The following SEC23IP variants were observed in gnomAD, a reference collection of about 807,000 sequenced individuals.
SEC23IP encodes SEC23-interacting protein.
A neutral mutation model predicts 113.4 loss-of-function variants in SEC23IP; 70 were observed. The observed-to-expected ratio is 0.62, with a 90% CI of 0.51 to 0.75. SEC23IP has a LOEUF of 0.75. Ranked by LOEUF, SEC23IP falls within the 30% of genes least tolerant of loss-of-function variation. The pLI, the probability that SEC23IP is intolerant of heterozygous loss-of-function variation, is 0.00. For synonymous variants in SEC23IP, 398 were observed against 421.0 expected (o/e 0.95, Z 0.67); for missense variants, 1,160 against 1,204.9 (o/e 0.96, Z 0.55).
rs750460289 is a variant in SEC23IP at position 119,904,154 on chromosome 10, A to G, written c.978A>G (p.Arg326=). The change falls in exon 4 of 19, where the codon CGA becomes CGG. Residue 326 remains arginine (R), a synonymous_variant. Coordinates refer to ENST00000369075, the MANE Select transcript of SEC23IP (RefSeq NM_007190.4). ...GGRYDVYLYD[R]IRKAAYWEEE... Reference sequence around the variant, plus strand: ...GCTACGATGTTTACCTCTATGACCGAATAAGGAAGGCTGCCTACTGGGAAG... The same window carrying G: ...GCTACGATGTTTACCTCTATGACCGGATAAGGAAGGCTGCCTACTGGGAAG... 6.2e-6 allele frequency: 10 copies of G among 1,614,206 alleles called. No individual in the cohort carries two copies. In the Admixed American group the frequency reaches 8.3e-5, roughly 13 times the overall value.
At chr10:119,918,685 C>T (rs1458497332) in intron 10 of SEC23IP, among the ~76,000 whole-genome samples, 174 bp downstream of exon 10, 1 of 152,156 alleles carries the variant, frequency 6.6e-6, no homozygotes, top group Non-Finnish European at 1.5e-5. Context: ...TGGCCTCAAG[C>T]GATCCTCCTG....
In SEC23IP at chr10:119,935,870, G is replaced by A. The variant is rs368963606; in HGVS notation, c.*20+2083G>A. ...GTCATTTGAGCAAGCGAGCCAGGTG[G>A]ATATCTGGAGGAAGAAGACCACTTC... On this transcript the variant is annotated intron_variant, in intron 18 of 18. Transcript: ENST00000369075. Among the ~76,000 whole-genome samples the A allele has an allele frequency of 6.8e-4, 103 of 152,330 alleles. 1 individual carries two copies. The South Asian group carries it at 0.02, about 30-fold the overall frequency.
chr10:119,908,368 T>C (rs1411302568), intron 4 of SEC23IP, among the ~76,000 whole-genome samples: 1 of 152,238 alleles, frequency 6.6e-6, no homozygotes, highest in Non-Finnish European at 1.5e-5. Context: ...ATGTCTATTA[T>C]GGGTTGAATT....
chr10:119,913,703 G>A (rs1237656069), intron 6 of SEC23IP, among the ~76,000 whole-genome samples: 2 of 151,650 alleles, frequency 1.3e-5, no homozygotes, highest in Non-Finnish European at 2.9e-5. Context: ...TGTTGGCCAG[G>A]CTGGTTTTGA....
intron 9 of SEC23IP, 102 bp downstream of exon 9, chr10:119,918,146 T>C (rs1315916283): frequency 9.9e-7 from 1 of 1,013,728 alleles, no homozygotes; most frequent in Non-Finnish European, 1.5e-6. Flanking sequence ...AATTACAGAT[T>C]TTAAGTTTCA....
At chr10:119,895,803 C>T (rs753850758) in intron 1 of SEC23IP, among the ~76,000 whole-genome samples, 6 of 151,194 alleles carry the variant, frequency 4.0e-5, no homozygotes, top group Non-Finnish European at 8.8e-5. Context: ...CTCTCCTGTC[C>T]CTTCACCTTT....
At chr10:119,927,225 A>C (rs1252950727) in intron 13 of SEC23IP, among the ~76,000 whole-genome samples, 1 of 152,234 alleles carries the variant, frequency 6.6e-6, no homozygotes, top group Non-Finnish European at 1.5e-5. Flanking sequence ...TGACTGCCGT[A>C]ATCAGTAATG....
rs113108322 is a variant in SEC23IP at position 119,910,785 on chromosome 10, G to A, written c.1192-1259G>A. On this transcript the variant is annotated intron_variant, in intron 5 of 18. Transcript: ENST00000369075. ...GCATCCTCGAACTCTGGGCTCAAGG[G>A]ATCCTCCTGCCTCAGCCTCCCGAGT... is the stretch of plus-strand genomic sequence containing the variant. Among the ~76,000 whole-genome samples, 424 of 152,090 alleles carry A rather than the reference G, an allele frequency of 2.8e-3. 3 individuals are homozygous for A. The highest frequency in any genetic ancestry group is 9.7e-3 in the African/African-American group (402 of 41,470).
intron 10 of SEC23IP, 85 bp from the exon 11 acceptor site, chr10:119,919,359 T>C: frequency 7.9e-7 from 1 of 1,259,358 alleles, no homozygotes; most frequent in Non-Finnish European, 1.1e-6. Context: ...TAAAGCAAAA[T>C]TGTTTGAGAG....
chr10:119,928,830 T>C (rs1464491397), intron 13 of SEC23IP, among the ~76,000 whole-genome samples: 2 of 152,226 alleles, frequency 1.3e-5, no homozygotes, highest in Non-Finnish European at 2.9e-5. Context: ...ATTTTTCTGA[T>C]GGAAAGAAAC....
At chr10:119,917,726 T>A in intron 8 of SEC23IP, 110 bp from the exon 9 acceptor site, 1 of 727,938 alleles carries the variant, frequency 1.4e-6, no homozygotes, top group South Asian at 1.8e-5. Context: ...ACTCATAGTC[T>A]GTGGGGTTTT....
At chr10:119,899,040 C>T in intron 2 of SEC23IP, 81 bp downstream of exon 2, 2 of 1,185,564 alleles carry the variant, frequency 1.7e-6, no homozygotes, top group Admixed American at 2.4e-5. Flanking sequence ...AAAAACATTT[C>T]ACATCTTATA....
intron 5 of SEC23IP, 102 bp from the exon 6 acceptor site, chr10:119,911,942 C>T: frequency 7.3e-7 from 1 of 1,369,870 alleles, no homozygotes; most frequent in Admixed American, 2.0e-5. Context: ...TTTATAAACT[C>T]TCCGTACTCT....
intron 2 of SEC23IP, among the ~76,000 whole-genome samples, chr10:119,901,009 TTC>T (rs1382424403): frequency 4.1e-4 from 60 of 146,146 alleles, no homozygotes; most frequent in Non-Finnish European, 6.0e-4. Flanking sequence ...TAAAATTTTT[TTC>T]TTTTTCTTCT....
chr10:119,892,977 G>T, intron 1 of SEC23IP, 32 bp downstream of exon 1: 1 of 1,593,940 alleles, frequency 6.3e-7, no homozygotes, highest in Non-Finnish European at 8.5e-7. Flanking sequence ...CGTGTGTGGT[G>T]GGAGGCGGGC....
intron 18 of SEC23IP, among the ~76,000 whole-genome samples, chr10:119,934,317 A>G (rs969532313): frequency 3.3e-5 from 5 of 152,246 alleles, no homozygotes; most frequent in Admixed American, 3.3e-4. Context: ...GCTCTTAATT[A>G]GGGAAGCAGA....
intron 1 of SEC23IP, among the ~76,000 whole-genome samples, chr10:119,896,161 G>T (rs1310971800): frequency 6.6e-6 from 1 of 152,144 alleles, no homozygotes; most frequent in Non-Finnish European, 1.5e-5. Context: ...GAGATGTGTG[G>T]ACTATACAGT....
chr10:119,901,138 G>T (rs1334826681), intron 2 of SEC23IP, among the ~76,000 whole-genome samples: 1 of 150,532 alleles, frequency 6.6e-6, no homozygotes, highest in African/African-American at 2.4e-5. Context: ...CTCAGGAGTA[G>T]CTGGGACTAC....
chr10:119,903,911 G>A (rs979111910), intron 3 of SEC23IP, among the ~76,000 whole-genome samples, 173 bp from the exon 4 acceptor site: 2 of 152,286 alleles, frequency 1.3e-5, no homozygotes, highest in Admixed American at 1.3e-4. Context: ...AGTAGACAGG[G>A]AGGTTTCACC....
Sources: allele counts gnomAD v4.1 joint callset (sites outside exome capture counted in the v4.1 genomes callset), GRCh38; gene constraint gnomAD v4.1.1; transcripts MANE v1.5; gene names NCBI Gene and HGNC (gene_info 2026-07-23, HGNC 2026-07-21).